Variants in ABHD12 observed in about 807,000 individuals in gnomAD.
The protein encoded by ABHD12 is abhydrolase domain containing 12, lysophospholipase.
ABHD12 carries 43 observed loss-of-function variants against 58.3 expected under a neutral mutation model. The ratio of observed to expected loss-of-function variants is 0.74; its 90% CI spans 0.58 to 0.95. ABHD12 has a LOEUF of 0.95. ABHD12 is among the 40% of genes least tolerant of loss of function. ABHD12 has a pLI of 0.00. For synonymous variants in ABHD12, 219 were observed against 211.2 expected (o/e 1.04, Z -0.32); for missense variants, 539 against 537.2 (o/e 1.00, Z -0.03).
intron 5 of ABHD12, 148 bp downstream of exon 5, chr20:25,316,900 C>T: frequency 1.3e-6 from 1 of 751,356 alleles, no homozygotes. Context: ...GCACTCCAGC[C>T]TGGGCAACAG....
intron 1 of ABHD12, among the ~76,000 whole-genome samples, chr20:25,383,954 CA>C (rs1201588127): frequency 0.032 from 1,728 of 53,340 alleles, 39 homozygotes; most frequent in Middle Eastern, 0.088. Flanking sequence ...GACTCTTTCT[CA>C]AAAAAAAAAA....
chr20:25,335,696 C>G (rs2089352440), intron 2 of ABHD12, among the ~76,000 whole-genome samples: 1 of 149,484 alleles, frequency 6.7e-6, no homozygotes, highest in African/African-American at 2.5e-5. Flanking sequence ...TCTCAGTAAA[C>G]TATTGCAAGA....
chr20:25,322,024 C>T (rs1046434178), intron 3 of ABHD12, among the ~76,000 whole-genome samples: 2 of 152,146 alleles, frequency 1.3e-5, no homozygotes, highest in African/African-American at 4.8e-5. Flanking sequence ...TTTTCTGAGA[C>T]AGTGGAAAGC....
chr20:25,390,339 G>C (rs918440437), intron 1 of ABHD12, among the ~76,000 whole-genome samples, 174 bp downstream of exon 1: 1 of 152,256 alleles, frequency 6.6e-6, no homozygotes, highest in Middle Eastern at 3.4e-3. Flanking sequence ...AAGGGAGCGG[G>C]GGTGGGGCTG....
intron 2 of ABHD12, among the ~76,000 whole-genome samples, chr20:25,331,442 G>A (rs930070236): frequency 7.2e-5 from 11 of 152,058 alleles, no homozygotes; most frequent in Non-Finnish European, 1.2e-4. Flanking sequence ...TCAGATTCAG[G>A]AAATACAGAG....
At chr20:25,296,268 T>A, downstream of ABHD12, 2 of 1,435,110 alleles carry the variant, frequency 1.4e-6, no homozygotes, top group South Asian at 1.2e-5. Flanking sequence ...GCCCCAAGGC[T>A]CGGAGCTCAT....
intron 2 of ABHD12, among the ~76,000 whole-genome samples, chr20:25,330,967 T>C (rs925651673): frequency 3.3e-5 from 5 of 152,246 alleles, no homozygotes; most frequent in African/African-American, 1.2e-4. Flanking sequence ...GGACGGAGAA[T>C]GACTTTGACT....
At chr20:25,310,746 C>T (rs117248314) in intron 6 of ABHD12, among the ~76,000 whole-genome samples, 7,888 of 152,000 alleles carry the variant, frequency 0.052, 309 homozygotes, top group Non-Finnish European at 0.079. Flanking sequence ...CAGGGACAGA[C>T]AGACAGGCAC....
At chr20:25,386,450 A>G (rs1165201737) in intron 1 of ABHD12, among the ~76,000 whole-genome samples, 1 of 151,412 alleles carries the variant, frequency 6.6e-6, no homozygotes, top group African/African-American at 2.4e-5. Flanking sequence ...TTTAGTAGAG[A>G]CGGGGTTTCA....
chr20:25,318,391 G>A (rs2089001898), intron 4 of ABHD12, among the ~76,000 whole-genome samples: 1 of 152,224 alleles, frequency 6.6e-6, no homozygotes, highest in Admixed American at 6.5e-5. Flanking sequence ...AGTTATCATT[G>A]TAAGAGTTCA....
At position 25,390,664 on chromosome 20, in the gene ABHD12, G is replaced by T; in HGVS notation, c.40C>A (p.Arg14Ser). 1 of 1,435,484 alleles carries T rather than the reference G, an allele frequency of 7.0e-7. No homozygotes were observed. Among genetic ancestry groups the T allele is most frequent in the Non-Finnish European group, 9.1e-7 (1 of 1,097,614 alleles). The allele number at this position is 1,435,484 out of a possible 1,614,324, so 88.9% of individuals were successfully genotyped here. Reference sequence around the variant, plus strand: ...GAGGACGAGCCCGCGGCGGCGCAGCGCTCATGCTCCAAGGCGACGGGCTCG... The same window carrying T: ...GAGGACGAGCCCGCGGCGGCGCAGCTCTCATGCTCCAAGGCGACGGGCTCG... ...RTEPVALEHE[R>S]CAAAGSSSSG... The change falls in exon 1 of 13, where the codon CGC becomes AGC. Residue 14 changes from arginine to serine, a missense_variant. Coordinates refer to ENST00000339157, the MANE Select transcript of ABHD12 (RefSeq NM_001042472.3).
At chr20:25,382,142 C>A (rs572143678) in intron 1 of ABHD12, among the ~76,000 whole-genome samples, 10 of 152,316 alleles carry the variant, frequency 6.6e-5, no homozygotes, top group African/African-American at 2.4e-4. Context: ...ACACAACTCA[C>A]CCAAGCCAGA....
intron 1 of ABHD12, among the ~76,000 whole-genome samples, chr20:25,347,949 C>T (rs962269520): frequency 1.3e-5 from 2 of 150,170 alleles, no homozygotes; most frequent in Non-Finnish European, 3.0e-5. Context: ...CAGGGTCTCA[C>T]GCCTGGAATC....
At chr20:25,308,116 G>A (rs1425337859) in intron 8 of ABHD12, 71 bp from the exon 9 acceptor site, 9 of 1,105,554 alleles carry the variant, frequency 8.1e-6, no homozygotes, top group Non-Finnish European at 1.3e-5. Flanking sequence ...GTGGGGCTCT[G>A]AGGGGCCCCC....
At chr20:25,338,552 T>C (rs1238741657) in intron 2 of ABHD12, among the ~76,000 whole-genome samples, 1 of 152,180 alleles carries the variant, frequency 6.6e-6, no homozygotes, top group Non-Finnish European at 1.5e-5. Flanking sequence ...GGCTTGATAC[T>C]TCTGCACCTT....
At chr20:25,379,792 G>T (rs568392892) in intron 1 of ABHD12, among the ~76,000 whole-genome samples, 1 of 151,814 alleles carries the variant, frequency 6.6e-6, no homozygotes, top group South Asian at 2.1e-4. Flanking sequence ...GCAGTGGCTT[G>T]ATCATGGCTC....
chr20:25,335,520 C>T (rs373409239), intron 2 of ABHD12, among the ~76,000 whole-genome samples: 1,365 of 131,644 alleles, frequency 0.01, 7 homozygotes, highest in Non-Finnish European at 0.016. Context: ...ATGTTTATTG[C>T]GGCATTATTC....
intron 2 of ABHD12, among the ~76,000 whole-genome samples, chr20:25,328,962 G>A (rs1034491957): frequency 1.3e-5 from 2 of 152,232 alleles, no homozygotes; most frequent in African/African-American, 4.8e-5. Context: ...CTCTAAATGA[G>A]CAGAAATGCC....
intron 1 of ABHD12, among the ~76,000 whole-genome samples, chr20:25,389,044 A>G (rs952610939): frequency 1.1e-4 from 16 of 152,028 alleles, no homozygotes; most frequent in Middle Eastern, 3.4e-3. Context: ...GACCTCTGAT[A>G]ATCTGCCCGC....
Sources: allele counts gnomAD v4.1 joint callset (sites outside exome capture counted in the v4.1 genomes callset), GRCh38; gene constraint gnomAD v4.1.1; transcripts MANE v1.5; gene names NCBI Gene and HGNC (gene_info 2026-07-23, HGNC 2026-07-21).